The following SYNJ2BP variants were observed in gnomAD, a reference collection of about 807,000 sequenced individuals.
SYNJ2BP encodes the protein synaptojanin-2-binding protein.
A neutral mutation model predicts 16.9 loss-of-function variants in SYNJ2BP; 10 were observed. That is an observed-to-expected ratio of 0.59 (90% confidence interval 0.36 to 1.00). SYNJ2BP has a LOEUF of 1.00. Ranked by LOEUF, SYNJ2BP falls within the 50% of genes least tolerant of loss-of-function variation. SYNJ2BP has a pLI of 0.01. For missense variants in SYNJ2BP, 162 were observed against 186.7 expected (o/e 0.87, Z 0.77); for synonymous variants, 54 against 68.4 (o/e 0.79, Z 1.04).
At chr14:70,395,392 C>T (rs1349348011) in intron 1 of SYNJ2BP, among the ~76,000 whole-genome samples, 1 of 152,184 alleles carries the variant, frequency 6.6e-6, no homozygotes, top group African/African-American at 2.4e-5. Flanking sequence ...ACTAGAGTAA[C>T]AAACACCCTA....
At chr14:70,394,568 A>G (rs754183971) in intron 1 of SYNJ2BP, among the ~76,000 whole-genome samples, 1 of 151,066 alleles carries the variant, frequency 6.6e-6, no homozygotes, top group Non-Finnish European at 1.5e-5. Flanking sequence ...CTGGGTGTCT[A>G]TTTTGCAGTC....
chr14:70,408,764 G>C (rs1212747315), intron 1 of SYNJ2BP, among the ~76,000 whole-genome samples: 2 of 152,158 alleles, frequency 1.3e-5, no homozygotes, highest in Non-Finnish European at 2.9e-5. Flanking sequence ...GGGGCAGATA[G>C]AAGTGAGGTG....
At chr14:70,405,429 G>T (rs924580179) in intron 1 of SYNJ2BP, among the ~76,000 whole-genome samples, 1 of 152,052 alleles carries the variant, frequency 6.6e-6, no homozygotes, top group East Asian at 1.9e-4. Context: ...AATTACTTTT[G>T]CACCAACCTA....
At position 70,372,902 on chromosome 14, in the gene SYNJ2BP, C is replaced by A. The variant is rs1249240343; in HGVS notation, c.*89G>T. The A allele has an allele frequency of 1.9e-6, 3 of 1,563,012 alleles. No homozygotes were observed. The highest frequency in any genetic ancestry group is 2.6e-6 in the Non-Finnish European group (3 of 1,157,258). ...ATCAGTCACTTCAAATCTGGCTATG[C>A]AGAGAGAGGGAAAGACATGGCAGAA... is the stretch of plus-strand genomic sequence containing the variant. On this transcript the variant is annotated 3_prime_UTR_variant, in exon 4 of 4. Coordinates refer to ENST00000256366, the MANE Select transcript of SYNJ2BP (RefSeq NM_018373.3).
intron 1 of SYNJ2BP, among the ~76,000 whole-genome samples, chr14:70,404,638 T>G (rs1888309932): frequency 6.6e-6 from 1 of 152,198 alleles, no homozygotes; most frequent in Non-Finnish European, 1.5e-5. Context: ...TCCTAGGTTC[T>G]TCACTGGAAA....
chr14:70,407,344 C>T (rs182194869), intron 1 of SYNJ2BP, among the ~76,000 whole-genome samples: 13 of 151,278 alleles, frequency 8.6e-5, no homozygotes, highest in East Asian at 2.0e-4. Context: ...AGGAGAATGG[C>T]GTGATCTCCT....
intron 3 of SYNJ2BP, among the ~76,000 whole-genome samples, chr14:70,373,434 T>C (rs539572571): frequency 3.3e-5 from 5 of 152,294 alleles, no homozygotes; most frequent in African/African-American, 1.2e-4. Flanking sequence ...GTGTATCGTA[T>C]CAGGAAAATG....
At chr14:70,395,709 C>T (rs780778065) in intron 1 of SYNJ2BP, among the ~76,000 whole-genome samples, 3 of 152,126 alleles carry the variant, frequency 2.0e-5, no homozygotes, top group Non-Finnish European at 2.9e-5. Flanking sequence ...TTCACAATGT[C>T]GTATAATCAT....
At chr14:70,379,322 A>C (rs903103074) in intron 2 of SYNJ2BP, among the ~76,000 whole-genome samples, 2 of 152,236 alleles carry the variant, frequency 1.3e-5, no homozygotes, top group Non-Finnish European at 2.9e-5. Flanking sequence ...CTCGTTTCTT[A>C]TGCTGATATG....
At chr14:70,406,547 G>A (rs957545046) in intron 1 of SYNJ2BP, among the ~76,000 whole-genome samples, 2 of 152,218 alleles carry the variant, frequency 1.3e-5, no homozygotes, top group Non-Finnish European at 2.9e-5. Flanking sequence ...TCATGCAGCT[G>A]GAGGCTGCAA....
chr14:70,387,906 T>C (rs191060964), intron 2 of SYNJ2BP, among the ~76,000 whole-genome samples: 18 of 150,750 alleles, frequency 1.2e-4, no homozygotes, highest in Non-Finnish European at 2.2e-4. Context: ...ATAATTACCA[T>C]GTAGTATGTC....
At chr14:70,399,172 G>C (rs544842321) in intron 1 of SYNJ2BP, among the ~76,000 whole-genome samples, 1 of 152,280 alleles carries the variant, frequency 6.6e-6, no homozygotes, top group East Asian at 1.9e-4. Context: ...CCCAACGTGC[G>C]GCCCCAGCTC....
intron 1 of SYNJ2BP, among the ~76,000 whole-genome samples, chr14:70,410,282 G>A (rs953038190): frequency 3.3e-5 from 5 of 151,742 alleles, no homozygotes; most frequent in Non-Finnish European, 7.4e-5. Flanking sequence ...ACATTAATCA[G>A]GTGTGGTGAC....
At chr14:70,377,742 T>A (rs1243741233) in intron 2 of SYNJ2BP, among the ~76,000 whole-genome samples, 1 of 152,210 alleles carries the variant, frequency 6.6e-6, no homozygotes, top group African/African-American at 2.4e-5. Context: ...ACACTCTGTC[T>A]TCTTGATTAC....
chr14:70,391,078 T>C (rs1249852509), intron 1 of SYNJ2BP, among the ~76,000 whole-genome samples: 2 of 152,126 alleles, frequency 1.3e-5, no homozygotes, highest in Non-Finnish European at 2.9e-5. Flanking sequence ...TGAGCCAAGA[T>C]TGTGTCACTG....
intron 1 of SYNJ2BP, among the ~76,000 whole-genome samples, chr14:70,410,137 G>C (rs938618075): frequency 2.0e-5 from 3 of 151,878 alleles, no homozygotes; most frequent in African/African-American, 4.8e-5. Flanking sequence ...TAAGTACATT[G>C]GGTGTGGTGG....
intron 1 of SYNJ2BP, among the ~76,000 whole-genome samples, chr14:70,414,307 T>C (rs1476202331): frequency 6.6e-6 from 1 of 152,238 alleles, no homozygotes; most frequent in African/African-American, 2.4e-5. Flanking sequence ...TACATGGAAA[T>C]GCTTATGAAA....
At chr14:70,381,275 T>C (rs1228032094) in intron 2 of SYNJ2BP, among the ~76,000 whole-genome samples, 1 of 152,270 alleles carries the variant, frequency 6.6e-6, no homozygotes, top group Non-Finnish European at 1.5e-5. Flanking sequence ...AAGCCAATTA[T>C]GCCTTTCAAC....
rs142306377 is a variant in SYNJ2BP at position 70,384,992 on chromosome 14, C to T, written c.201+3478G>A. 2.3e-3 allele frequency among the ~76,000 whole-genome samples: 352 copies of T among 152,280 alleles called. 3 individuals are homozygous for T. The highest frequency in any genetic ancestry group is 7.9e-3 in the African/African-American group (329 of 41,560). On this transcript the variant is annotated intron_variant, in intron 2 of 3. Transcript: ENST00000256366. ...GCTTTTCCCCTCTCTTCTTTGGATG[C>T]CTTTTCCTTAAATGGCCAAAACATA...
Sources: gnomAD v4.1 joint callset for allele counts (sites outside exome capture counted in the v4.1 genomes callset) on GRCh38, gnomAD v4.1.1 for gene constraint, MANE v1.5 for transcripts, NCBI Gene and HGNC (gene_info 2026-07-23, HGNC 2026-07-21) for gene names.